POFUT3: variants seen among roughly 807,000 people sequenced by gnomAD.
POFUT3 encodes GDP-fucose protein O-fucosyltransferase 3.
chr8:33,350,445 C>A, the POFUT3 span, among the ~76,000 whole-genome samples: 1 of 152,070 alleles, frequency 6.6e-6, no homozygotes, highest in Non-Finnish European at 1.5e-5. Context: ...AAATCCACGG[C>A]CAGCTCCTGA....
chr8:33,444,578 G>A, the POFUT3 span, among the ~76,000 whole-genome samples: 2 of 152,084 alleles, frequency 1.3e-5, no homozygotes, highest in African/African-American at 4.8e-5. Flanking sequence ...AGCACTTTGG[G>A]AGGCCAAGGC....
chr8:33,374,468 A>C, the POFUT3 span, among the ~76,000 whole-genome samples: 1 of 152,200 alleles, frequency 6.6e-6, no homozygotes, highest in Non-Finnish European at 1.5e-5. Context: ...ACTGGAGGAG[A>C]CTAATGAAAC....
chr8:33,388,176 G>A, the POFUT3 span, among the ~76,000 whole-genome samples: 2 of 152,100 alleles, frequency 1.3e-5, no homozygotes, highest in African/African-American at 2.4e-5. Flanking sequence ...GAAAGAGAAA[G>A]AGTAAATATT....
the POFUT3 span, among the ~76,000 whole-genome samples, chr8:33,469,437 G>A: frequency 2.6e-5 from 4 of 152,202 alleles, no homozygotes; most frequent in African/African-American, 9.7e-5. Context: ...AGATTTCTAT[G>A]TGGGAAAGTC....
At chr8:33,328,226 C>G in the POFUT3 span, among the ~76,000 whole-genome samples, 13 of 152,048 alleles carry the variant, frequency 8.5e-5, no homozygotes, top group African/African-American at 9.7e-5. Context: ...TCGGATGAAC[C>G]CACAGTGACT....
At chr8:33,327,521 G>A in the POFUT3 span, among the ~76,000 whole-genome samples, 1 of 151,886 alleles carries the variant, frequency 6.6e-6, no homozygotes, top group Admixed American at 6.6e-5. Flanking sequence ...GAAGTCTCAG[G>A]ATCACAAGAT....
chr8:33,405,982 TTA>T, the POFUT3 span, among the ~76,000 whole-genome samples: 1 of 152,142 alleles, frequency 6.6e-6, no homozygotes, highest in Admixed American at 6.6e-5. Context: ...AGAGACCAAG[TTA>T]GTAGTACGTA....
the POFUT3 span, among the ~76,000 whole-genome samples, chr8:33,401,669 G>A: frequency 6.6e-6 from 1 of 152,110 alleles, no homozygotes; most frequent in African/African-American, 2.4e-5. Flanking sequence ...TTATTTCATT[G>A]TGTATATGCA....
chr8:33,319,250 T>TTTATATATTTTATATAATATACAAATATA, the POFUT3 span, among the ~76,000 whole-genome samples: 1 of 288 alleles, frequency 3.5e-3, no homozygotes, highest in African/African-American at 9.4e-3. Flanking sequence ...TATAAATATA[T>TTTATATATTTTATATAATATACAAATATA]TTTATATATT....
At chr8:33,363,704 C>T in the POFUT3 span, among the ~76,000 whole-genome samples, 2 of 152,136 alleles carry the variant, frequency 1.3e-5, no homozygotes, top group African/African-American at 4.8e-5. Flanking sequence ...CATACACCCT[C>T]CCAAGACTAA....
chr8:33,313,169 G>A, the POFUT3 span, among the ~76,000 whole-genome samples: 17 of 152,090 alleles, frequency 1.1e-4, no homozygotes, highest in Non-Finnish European at 2.1e-4. Flanking sequence ...AGACCATGGA[G>A]GAAAATTAAG....
the POFUT3 span, among the ~76,000 whole-genome samples, chr8:33,412,279 A>C: frequency 6.6e-6 from 1 of 152,218 alleles, no homozygotes; most frequent in African/African-American, 2.4e-5. Context: ...CCAAAAGTGA[A>C]GCATTGGGAA....
At chr8:33,433,474 C>T in the POFUT3 span, among the ~76,000 whole-genome samples, 20 of 151,668 alleles carry the variant, frequency 1.3e-4, no homozygotes, top group South Asian at 2.7e-3. Context: ...TAGCCAGGCG[C>T]GGTGGCAGGC....
chr8:33,461,879 G>A, the POFUT3 span, among the ~76,000 whole-genome samples: 1 of 151,812 alleles, frequency 6.6e-6, no homozygotes, highest in Non-Finnish European at 1.5e-5. Context: ...GGAAATCAAG[G>A]CTGGGCGTGA....
the POFUT3 span, among the ~76,000 whole-genome samples, chr8:33,329,714 A>T: frequency 2.6e-5 from 4 of 152,296 alleles, no homozygotes; most frequent in East Asian, 1.9e-4. Context: ...AGTGCTCATA[A>T]TGAGGTGTTC....
the POFUT3 span, among the ~76,000 whole-genome samples, chr8:33,340,384 A>G: frequency 1.1e-4 from 17 of 150,906 alleles, no homozygotes; most frequent in South Asian, 2.1e-3. Context: ...GTGTGTGTGT[A>G]TATATATATA....
the POFUT3 span, among the ~76,000 whole-genome samples, chr8:33,425,299 A>T: frequency 6.6e-6 from 1 of 152,128 alleles, no homozygotes; most frequent in Non-Finnish European, 1.5e-5. Flanking sequence ...ATACCACTGC[A>T]CTCCAGCCTG....
At chr8:33,439,653 G>A in the POFUT3 span, among the ~76,000 whole-genome samples, 3 of 151,260 alleles carry the variant, frequency 2.0e-5, no homozygotes, top group Non-Finnish European at 4.4e-5. Context: ...GGATCACAAG[G>A]TCAGGAATTC....
At chr8:33,433,611 CAA>C in the POFUT3 span, among the ~76,000 whole-genome samples, 2 of 140,576 alleles carry the variant, frequency 1.4e-5, no homozygotes, top group African/African-American at 2.6e-5. Flanking sequence ...GACTTCGTCT[CAA>C]AAAAAAAAAA....
Sources: gnomAD v4.1 joint callset for allele counts (sites outside exome capture counted in the v4.1 genomes callset) on GRCh38, gnomAD v4.1.1 for gene constraint, MANE v1.5 for transcripts, NCBI Gene and HGNC (gene_info 2026-07-23, HGNC 2026-07-21) for gene names.